The following PRH1 variants were observed in gnomAD, a reference collection of about 807,000 sequenced individuals.
The protein encoded by PRH1 is proline rich protein HaeIII subfamily 1, also known as salivary acidic proline-rich phosphoprotein 1/2.
PRH1 carries 7 observed loss-of-function variants against 7.9 expected under a neutral mutation model. The observed-to-expected ratio is 0.89, with a 90% CI of 0.50 to 1.67. PRH1 has a LOEUF of 1.67. Ranked by LOEUF, PRH1 falls within the 40% of genes most tolerant of loss-of-function variation. The probability of loss-of-function intolerance (pLI) is 0.00; values close to 1 mark genes in which losing one functional copy is unlikely to be tolerated. For synonymous variants in PRH1, 45 were observed against 80.8 expected, an observed-to-expected ratio of 0.56 and a Z score of 2.38; for missense variants, 109 against 223.6, an observed-to-expected ratio of 0.49 and a Z score of 3.27.
At chr12:10,952,166 T>C (rs1370615160) in intron 2 of PRH1, among the ~76,000 whole-genome samples, 1 of 152,244 alleles carries the variant, frequency 6.6e-6, no homozygotes, top group Non-Finnish European at 1.5e-5. Context: ...TTGTGTTACT[T>C]GATACAGAGA....
Position 11,088,776 on chromosome 12 carries a change from T to A in PRH1, n.124-41588A>T, listed in dbSNP as rs142211715. Among the ~76,000 whole-genome samples the A allele has an allele frequency of 6.0e-5, 7 of 116,008 alleles. 2 individuals are homozygous for A. The highest frequency in any genetic ancestry group is 2.6e-4 in the Admixed American group (3 of 11,598). The allele number at this position is 116,008 out of a possible 152,430, so 76.1% of individuals were successfully genotyped here. On this transcript the variant is annotated intron_variant and non_coding_transcript_variant, in intron 1 of 4. Transcript: ENST00000541977. Reference sequence around the variant, plus strand: ...CTGCTCCAAGCTGCTCTGGCCACTGTGCCAGATGATCCAGCAGGATTCAAA... The same window carrying A: ...CTGCTCCAAGCTGCTCTGGCCACTGAGCCAGATGATCCAGCAGGATTCAAA...
chr12:10,931,415 C>T (rs192927009), intron 2 of PRH1, among the ~76,000 whole-genome samples: 1 of 152,304 alleles, frequency 6.6e-6, no homozygotes, highest in Non-Finnish European at 1.5e-5. Flanking sequence ...CCTGAACACT[C>T]CTTGTTCAGG....
At chr12:11,118,331 A>T (rs972561931), downstream of PRH1, among the ~76,000 whole-genome samples, 3 of 152,356 alleles carry the variant, frequency 2.0e-5, no homozygotes. Flanking sequence ...GCTCAACATC[A>T]TTGATCATCA....
At chr12:10,985,074 G>GAA (rs35638884) in intron 1 of PRH1, among the ~76,000 whole-genome samples, 7 of 150,486 alleles carry the variant, frequency 4.7e-5, no homozygotes, top group South Asian at 2.1e-4. Context: ...AGGTGGTTTA[G>GAA]AAAAAAAAAC....
chr12:11,018,044 C>A (rs1941385862), intron 1 of PRH1, among the ~76,000 whole-genome samples: 1 of 152,166 alleles, frequency 6.6e-6, no homozygotes, highest in Non-Finnish European at 1.5e-5. Flanking sequence ...CATATAATAT[C>A]TCTACAGCAG....
At chr12:11,104,676 TAA>T (rs1945359786) in intron 1 of PRH1, among the ~76,000 whole-genome samples, 1 of 144,950 alleles carries the variant, frequency 6.9e-6, no homozygotes, top group Admixed American at 7.0e-5. Context: ...TGTATTCTGA[TAA>T]GAGTGTAAAT....
At chr12:11,011,219 C>T (rs1397866927) in intron 1 of PRH1, among the ~76,000 whole-genome samples, 1 of 152,032 alleles carries the variant, frequency 6.6e-6, no homozygotes, top group Admixed American at 6.6e-5. Flanking sequence ...GGACAAGATT[C>T]TCTGTAAGGT....
chr12:11,133,727 T>C (rs1202320384), intron 1 of PRH1: 3 of 1,614,182 alleles, frequency 1.9e-6, no homozygotes, highest in Non-Finnish European at 2.5e-6. Context: ...ATTTGAATGG[T>C]ACATTGCACT....
At chr12:10,974,643 A>C (rs1939003670) in intron 1 of PRH1, among the ~76,000 whole-genome samples, 1 of 152,192 alleles carries the variant, frequency 6.6e-6, no homozygotes, top group Non-Finnish European at 1.5e-5. Context: ...GAACCCATCC[A>C]AAGTACAGCA....
intron 1 of PRH1, among the ~76,000 whole-genome samples, chr12:11,046,238 G>A (rs1350513230): frequency 6.6e-6 from 1 of 152,126 alleles, no homozygotes; most frequent in Admixed American, 6.5e-5. Flanking sequence ...CAAGAATAGA[G>A]TATCTTTGCC....
At chr12:11,104,151 C>A (rs894115131) in intron 1 of PRH1, among the ~76,000 whole-genome samples, 93 of 120,468 alleles carry the variant, frequency 7.7e-4, no homozygotes, top group Non-Finnish European at 1.4e-3. Flanking sequence ...GTCAAAGATA[C>A]TTCGCACAGA....
intron 2 of PRH1, chr12:10,939,131 A>C: frequency 6.2e-7 from 1 of 1,603,622 alleles, no homozygotes; most frequent in Middle Eastern, 1.7e-4. Flanking sequence ...CAGTGCTATG[A>C]AACTATTTCC....
At chr12:10,918,920 C>T (rs1950009625) in intron 2 of PRH1, among the ~76,000 whole-genome samples, 1 of 151,714 alleles carries the variant, frequency 6.6e-6, no homozygotes, top group Admixed American at 6.6e-5. Flanking sequence ...AGTTTTTAAT[C>T]TATTATTTAC....
At chr12:11,011,665 T>C (rs891067925) in intron 1 of PRH1, among the ~76,000 whole-genome samples, 2 of 152,098 alleles carry the variant, frequency 1.3e-5, no homozygotes, top group Admixed American at 1.3e-4. Flanking sequence ...ATGACCACTG[T>C]GAATTTATTT....
chr12:11,048,604 T>C (rs1943007582), upstream of PRH1: 7 of 610,066 alleles, frequency 1.1e-5, no homozygotes, highest in South Asian at 1.8e-5. Context: ...GGTGCTGAGA[T>C]GTTGAGATCC....
intron 1 of PRH1, among the ~76,000 whole-genome samples, chr12:11,161,432 A>G (rs533472321): frequency 2.0e-5 from 3 of 152,348 alleles, no homozygotes; most frequent in East Asian, 3.9e-4. Context: ...ACGATGGCAC[A>G]TGTGGTGTAT....
intron 1 of PRH1, among the ~76,000 whole-genome samples, chr12:11,025,561 TA>T (rs1161472921): frequency 6.6e-6 from 1 of 152,302 alleles, no homozygotes; most frequent in Non-Finnish European, 1.5e-5. Context: ...TTGAGATTAC[TA>T]AAAATATATT....
chr12:11,029,440 T>C (rs1419520312), intron 1 of PRH1, among the ~76,000 whole-genome samples: 1 of 152,200 alleles, frequency 6.6e-6, no homozygotes, highest in Non-Finnish European at 1.5e-5. Context: ...GATTTTATTT[T>C]TCAAAAAGAG....
At chr12:10,999,865 CTGAAATT>C (rs1305535091) in intron 1 of PRH1, among the ~76,000 whole-genome samples, 1 of 152,096 alleles carries the variant, frequency 6.6e-6, no homozygotes, top group Non-Finnish European at 1.5e-5. Flanking sequence ...TATCATGTTT[CTGAAATT>C]TAGTTACATA....
Sources: gnomAD v4.1 joint callset for allele counts (sites outside exome capture counted in the v4.1 genomes callset) on GRCh38, gnomAD v4.1.1 for gene constraint, MANE v1.5 for transcripts, NCBI Gene and HGNC (gene_info 2026-07-23, HGNC 2026-07-21) for gene names.